The following CLVS1 variants were observed in gnomAD, a reference collection of about 807,000 sequenced individuals.
CLVS1 encodes clavesin 1.
CLVS1 carries 10 observed loss-of-function variants against 33.1 expected under a neutral mutation model. The observed-to-expected ratio is 0.30, with a 90% CI of 0.19 to 0.51. The LOEUF is 0.51. CLVS1 is among the 20% of genes least tolerant of loss of function. The pLI is 0.97. For synonymous variants in CLVS1, 163 were observed against 166.1 expected, an observed-to-expected ratio of 0.98 and a Z score of 0.14; for missense variants, 343 against 433.4, an observed-to-expected ratio of 0.79 and a Z score of 1.85.
At chr8:61,173,324 G>A (rs1046617816) in intron 2 of CLVS1, among the ~76,000 whole-genome samples, 1 of 152,116 alleles carries the variant, frequency 6.6e-6, no homozygotes, top group Non-Finnish European at 1.5e-5. Context: ...TTATTTTTTA[G>A]TGCATATCAA....
At chr8:61,370,730 C>T (rs1229929712) in intron 2 of CLVS1, 1 of 152,144 alleles carries the variant, frequency 6.6e-6, no homozygotes, top group Non-Finnish European at 1.5e-5. Context: ...AGCTTAGCTC[C>T]CACTTCTAAG....
chr8:60,975,997 A>G, the CLVS1 span, among the ~76,000 whole-genome samples: 1 of 152,200 alleles, frequency 6.6e-6, no homozygotes, highest in South Asian at 2.1e-4. Flanking sequence ...CTGAGACCCA[A>G]TGTTTCTCTT....
chr8:61,076,133 A>G (rs1031007028), intron 1 of CLVS1, among the ~76,000 whole-genome samples: 2 of 152,128 alleles, frequency 1.3e-5, no homozygotes, highest in Non-Finnish European at 2.9e-5. Context: ...AGTTTTACAA[A>G]TGTCTTTCTT....
intron 2 of CLVS1, among the ~76,000 whole-genome samples, chr8:61,340,171 A>T (rs1683347087): frequency 6.6e-6 from 1 of 152,258 alleles, no homozygotes; most frequent in South Asian, 2.1e-4. Context: ...AAGTTAACAT[A>T]AACATTACCT....
intron 1 of CLVS1, among the ~76,000 whole-genome samples, chr8:61,062,427 C>A (rs936225225): frequency 2.0e-5 from 3 of 152,194 alleles, no homozygotes; most frequent in East Asian, 1.9e-4. Context: ...GATGTAACTA[C>A]GTCAGTATAG....
chr8:61,074,957 T>C (rs112533139), intron 1 of CLVS1, among the ~76,000 whole-genome samples: 31 of 152,278 alleles, frequency 2.0e-4, no homozygotes, highest in Middle Eastern at 6.8e-3. Context: ...GGAAGCACAC[T>C]TTTGAAATAG....
At position 61,125,257 on chromosome 8, in the gene CLVS1, G is replaced by A. The variant is rs560035102; in HGVS notation, c.-242-6513G>A. Among the ~76,000 whole-genome samples, 51 of 152,230 alleles carry A rather than the reference G, an allele frequency of 3.4e-4. No homozygotes were observed. In the Middle Eastern group the frequency reaches 0.01, roughly 30 times the overall value. The stretch of plus-strand genomic sequence containing the variant: ...CCCTTTCCTCGCTTTGGTTGCAGAA[G>A]CACCAAGTATTTGTTTGTGTCCTCC... On this transcript the variant is annotated intron_variant, in intron 1 of 2. Transcript: ENST00000522621.
At chr8:61,142,733 C>T (rs754572741) in intron 2 of CLVS1, among the ~76,000 whole-genome samples, 3 of 152,106 alleles carry the variant, frequency 2.0e-5, no homozygotes, top group Admixed American at 6.6e-5. Context: ...TATGAGAGTA[C>T]AGCTCAGATT....
At chr8:61,261,996 G>GTGTA (rs1554551267) in intron 2 of CLVS1, among the ~76,000 whole-genome samples, 103 of 140,792 alleles carry the variant, frequency 7.3e-4, no homozygotes, top group South Asian at 2.8e-3. Flanking sequence ...GTGTGTGTGT[G>GTGTA]TGTGTGTGTG....
At chr8:61,211,258 G>C (rs569274170) in intron 2 of CLVS1, among the ~76,000 whole-genome samples, 11 of 152,194 alleles carry the variant, frequency 7.2e-5, no homozygotes, top group African/African-American at 2.6e-4. Flanking sequence ...ATAGTCCCTA[G>C]AGATTCCGAG....
intron 3 of CLVS1, among the ~76,000 whole-genome samples, chr8:61,442,775 T>C (rs1405749809): frequency 6.6e-6 from 1 of 152,218 alleles, no homozygotes; most frequent in Non-Finnish European, 1.5e-5. Context: ...AGTTTTTGTA[T>C]TTTTAATACA....
At chr8:61,057,489 A>C (rs949702874) in intron 1 of CLVS1, among the ~76,000 whole-genome samples, 3 of 152,132 alleles carry the variant, frequency 2.0e-5, no homozygotes, top group Admixed American at 2.0e-4. Flanking sequence ...GCCTGAGTAC[A>C]TGTTGGAGGA....
At chr8:61,200,242 C>A (rs533509114) in intron 2 of CLVS1, among the ~76,000 whole-genome samples, 9 of 152,266 alleles carry the variant, frequency 5.9e-5, no homozygotes, top group African/African-American at 2.2e-4. Context: ...CCTCAGCCTC[C>A]CAAGTAGCTG....
intron 2 of CLVS1, among the ~76,000 whole-genome samples, chr8:61,207,050 G>A (rs1317800782): frequency 6.6e-6 from 1 of 152,214 alleles, no homozygotes; most frequent in Non-Finnish European, 1.5e-5. Context: ...GAATGAAAGA[G>A]CTCACGAAGC....
chr8:60,968,451 G>A, the CLVS1 span, among the ~76,000 whole-genome samples: 1 of 151,182 alleles, frequency 6.6e-6, no homozygotes, highest in Non-Finnish European at 1.5e-5. Flanking sequence ...GGGAGGCAGA[G>A]GTTGCAGTGA....
At chr8:61,167,665 T>C (rs1380230267) in intron 2 of CLVS1, among the ~76,000 whole-genome samples, 1 of 152,172 alleles carries the variant, frequency 6.6e-6, no homozygotes, top group Non-Finnish European at 1.5e-5. Flanking sequence ...CAATCCCAGA[T>C]GGTTAAGGTA....
At chr8:61,054,738 G>C (rs7007162), upstream of CLVS1, among the ~76,000 whole-genome samples, 84,375 of 151,776 alleles carry the variant, frequency 0.56, 24,812 homozygotes, top group African/African-American at 0.74. Context: ...GGTTATTCAG[G>C]CTTCCTCATC....
At chr8:61,268,200 T>C (rs1809353432) in intron 2 of CLVS1, among the ~76,000 whole-genome samples, 1 of 131,106 alleles carries the variant, frequency 7.6e-6, no homozygotes, top group Non-Finnish European at 1.5e-5. Context: ...CGGAGTGTGA[T>C]ATTCCCCTTC....
At chr8:61,425,062 G>T (rs927360494) in intron 3 of CLVS1, among the ~76,000 whole-genome samples, 2 of 152,128 alleles carry the variant, frequency 1.3e-5, no homozygotes, top group African/African-American at 2.4e-5. Flanking sequence ...TTTGAAATCT[G>T]CAACACTTCA....
Sources: allele counts gnomAD v4.1 joint callset (sites outside exome capture counted in the v4.1 genomes callset), GRCh38; gene constraint gnomAD v4.1.1; transcripts MANE v1.5; gene names NCBI Gene and HGNC (gene_info 2026-07-23, HGNC 2026-07-21).